MACROD1: variants seen among roughly 807,000 people sequenced by gnomAD.
The protein encoded by MACROD1 is mono-ADP ribosylhydrolase 1, also known as ADP-ribose glycohydrolase MACROD1.
A neutral mutation model predicts 41.4 loss-of-function variants in MACROD1; 31 were observed. That is an observed-to-expected ratio of 0.75 (90% CI 0.56 to 1.01). The LOEUF is 1.01. MACROD1 is among the 50% of genes least tolerant of loss of function. The pLI is 0.00. For synonymous variants in MACROD1, 252 were observed against 203.4 expected (o/e 1.24, Z -2.03); for missense variants, 473 against 460.0 (o/e 1.03, Z -0.26).
rs1415144253 is a variant in MACROD1, at chr11:64,096,541, G to A, written c.517+54698C>T. On this transcript the variant is annotated intron_variant, in intron 3 of 10. Transcript: ENST00000255681. This position sits in a 1 kb window ranked among gnomAD's most constrained non-coding sequence, Gnocchi z 4.6. ...AGCAATTCTCTTGCCTCAGCCCACC[G>A]AGTAGCTGGGATTACAGGCGCCTGC... Among the ~76,000 whole-genome samples the A allele has an allele frequency of 2.6e-5, 4 of 151,954 alleles. No individual in the cohort carries two copies. The South Asian group carries it at 6.2e-4, about 24-fold the overall frequency.
At chr11:64,028,737 C>A (rs1943256348) in intron 3 of MACROD1, among the ~76,000 whole-genome samples, 1 of 151,872 alleles carries the variant, frequency 6.6e-6, no homozygotes, top group Non-Finnish European at 1.5e-5. Flanking sequence ...GGCGCTGGTG[C>A]TCCTAGCTCA....
At chr11:64,115,896 C>T (rs1944969297) in intron 3 of MACROD1, among the ~76,000 whole-genome samples, 1 of 152,214 alleles carries the variant, frequency 6.6e-6, no homozygotes, top group African/African-American at 2.4e-5. Flanking sequence ...TGCTGCATGG[C>T]TCTCACTAAA....
intron 3 of MACROD1, among the ~76,000 whole-genome samples, chr11:64,043,357 G>C (rs557118021): frequency 6.6e-6 from 1 of 152,316 alleles, no homozygotes; most frequent in Admixed American, 6.5e-5. Flanking sequence ...CTCTCTGGCA[G>C]GAAGGCTTGT....
At chr11:64,066,951 C>T (rs373933887) in intron 3 of MACROD1, among the ~76,000 whole-genome samples, 21 of 152,296 alleles carry the variant, frequency 1.4e-4, no homozygotes, top group East Asian at 9.7e-4. Flanking sequence ...CGCCCCAGTG[C>T]GCTACGGAGG....
intron 3 of MACROD1, among the ~76,000 whole-genome samples, chr11:64,129,072 C>T (rs1018686273): frequency 2.6e-5 from 4 of 152,278 alleles, no homozygotes; most frequent in African/African-American, 9.6e-5. Flanking sequence ...TCTGGGGACA[C>T]CTGTGGAGCC....
chr11:64,004,637 G>A (rs1356381608), intron 4 of MACROD1, among the ~76,000 whole-genome samples: 1 of 152,096 alleles, frequency 6.6e-6, no homozygotes, highest in African/African-American at 2.4e-5. Flanking sequence ...CCATCCCGTG[G>A]GGCTGGCCCA....
chr11:64,084,941 CACA>C (rs1944368395), intron 3 of MACROD1, among the ~76,000 whole-genome samples: 2 of 152,334 alleles, frequency 1.3e-5, no homozygotes, highest in South Asian at 4.1e-4. Context: ...GCTGCCCTCC[CACA>C]ACAAGGGTTT....
intron 1 of MACROD1, among the ~76,000 whole-genome samples, chr11:64,153,126 G>A (rs1590974188): frequency 6.6e-6 from 1 of 152,238 alleles, no homozygotes; most frequent in South Asian, 2.1e-4. Flanking sequence ...CCTTGCCTGA[G>A]CACTGTCCCA....
rs1394349223 is a variant in MACROD1, at chr11:64,036,078, C to G, written c.518-20797G>C. 1 of 151,812 alleles carries G rather than the reference C, an allele frequency of 6.6e-6. No individual in the cohort carries two copies. Among genetic ancestry groups the G allele is most frequent in the African/African-American group, 2.4e-5 (1 of 41,358 alleles). The allele number at this position is 151,812 out of a possible 1,614,324, so 9.4% of individuals were successfully genotyped here. A position where few individuals can be genotyped will look rare whatever the true frequency, so the allele number is the denominator to read the frequency against. ...GGCGCCCTCCGGCTCTGGTTCCCGCCCGCTCCTTGGAATAACCCCTGAGGC... is the reference window on the plus strand; with the variant it reads ...GGCGCCCTCCGGCTCTGGTTCCCGCGCGCTCCTTGGAATAACCCCTGAGGC... On this transcript the variant is annotated intron_variant, in intron 3 of 10. Coordinates refer to ENST00000255681, the MANE Select transcript of MACROD1 (RefSeq NM_014067.4). The surrounding 1 kb of genome is among the most constrained non-coding windows in gnomAD (Gnocchi z 5.6).
At chr11:64,160,867 A>C (rs952327082) in intron 1 of MACROD1, among the ~76,000 whole-genome samples, 8 of 151,850 alleles carry the variant, frequency 5.3e-5, no homozygotes, top group Admixed American at 3.3e-4. Context: ...AAGAAACCCA[A>C]ATGCCTATCA....
intron 3 of MACROD1, among the ~76,000 whole-genome samples, chr11:64,133,251 G>A (rs1207617569): frequency 6.6e-6 from 1 of 152,224 alleles, no homozygotes; most frequent in Non-Finnish European, 1.5e-5. Context: ...AATGCAGAAA[G>A]GAAGGTTGCG....
chr11:64,071,780 G>A (rs1370423328), intron 3 of MACROD1, among the ~76,000 whole-genome samples: 1 of 152,186 alleles, frequency 6.6e-6, no homozygotes, highest in African/African-American at 2.4e-5. Flanking sequence ...CCTCCTCAGG[G>A]CCTGTGGGGC....
chr11:64,000,131 T>C (rs1942795737), intron 5 of MACROD1, 96 bp downstream of exon 5: 15 of 954,864 alleles, frequency 1.6e-5, no homozygotes, highest in Non-Finnish European at 2.2e-5. Flanking sequence ...CCTGAGGAGT[T>C]CCCCAGCACT....
At chr11:64,162,932 A>G (rs1393660541) in intron 1 of MACROD1, among the ~76,000 whole-genome samples, 2 of 152,154 alleles carry the variant, frequency 1.3e-5, no homozygotes, top group East Asian at 3.8e-4. Flanking sequence ...CATCCTGACT[A>G]ACACGATGAA....
intron 3 of MACROD1, among the ~76,000 whole-genome samples, chr11:64,028,680 C>T (rs1943255166): frequency 1.3e-5 from 2 of 149,852 alleles, no homozygotes; most frequent in Non-Finnish European, 3.0e-5. Flanking sequence ...TGGCCCTCTT[C>T]CCCTCCCCCT....
At chr11:64,117,194 G>A in intron 3 of MACROD1, 1 of 1,614,066 alleles carries the variant, frequency 6.2e-7, no homozygotes, top group South Asian at 1.1e-5. Context: ...TGACCACGCT[G>A]CCCCGCGGCC....
At chr11:64,125,940 A>T (rs754117067) in intron 3 of MACROD1, among the ~76,000 whole-genome samples, 14 of 152,152 alleles carry the variant, frequency 9.2e-5, no homozygotes, top group Non-Finnish European at 1.5e-4. Flanking sequence ...AACGCACCAC[A>T]AACCGACAAT....
intron 3 of MACROD1, among the ~76,000 whole-genome samples, chr11:64,130,322 G>C (rs1945247291): frequency 6.6e-6 from 1 of 152,202 alleles, no homozygotes; most frequent in Admixed American, 6.5e-5. Flanking sequence ...AAAAGCTCCT[G>C]CTCAAATGAG....
intron 3 of MACROD1, among the ~76,000 whole-genome samples, chr11:64,101,711 G>A (rs1434265286): frequency 6.6e-6 from 1 of 152,236 alleles, no homozygotes; most frequent in African/African-American, 2.4e-5. Context: ...GCCGCGTGCA[G>A]GGACTCTGTC....
Sources: gnomAD v4.1 joint callset for allele counts (sites outside exome capture counted in the v4.1 genomes callset) on GRCh38, gnomAD v4.1.1 for gene constraint, Gnocchi (gnomAD v3.1) non-coding constraint, MANE v1.5 for transcripts, NCBI Gene and HGNC (gene_info 2026-07-23, HGNC 2026-07-21) for gene names.